The following P2RY12 variants were observed in gnomAD, a reference collection of about 807,000 sequenced individuals.
The protein encoded by P2RY12 is P2Y purinoceptor 12.
P2RY12 carries 3 observed loss-of-function variants against 4.5 expected under a neutral mutation model. That is an observed-to-expected ratio of 0.67 (90% CI 0.31 to 1.74). The LOEUF is 1.74. Among genes scored for constraint, P2RY12 ranks in the 40% most tolerant of loss-of-function variants. The pLI is 0.09. For synonymous variants in P2RY12, 148 were observed against 154.1 expected, an observed-to-expected ratio of 0.96 and a Z score of 0.29; for missense variants, 356 against 407.8, an observed-to-expected ratio of 0.87 and a Z score of 1.09.
intron 1 of P2RY12, chr3:151,368,011 A>G: frequency 1.2e-6 from 1 of 831,654 alleles, no homozygotes; most frequent in Non-Finnish European, 1.9e-6. Flanking sequence ...TTCTCAGAAA[A>G]ATAGCCAGGG....
intron 1 of P2RY12, chr3:151,377,964 C>G: frequency 1.3e-6 from 2 of 1,506,120 alleles, no homozygotes; most frequent in South Asian, 1.3e-5. Context: ...ACTGTGAGAG[C>G]AGGGGAAAGG....
At chr3:151,345,517 C>CTT (rs201731496) in intron 1 of P2RY12, among the ~76,000 whole-genome samples, 107 of 131,636 alleles carry the variant, frequency 8.1e-4, no homozygotes, top group Non-Finnish European at 1.0e-3. Flanking sequence ...TTTTCTTTTT[C>CTT]TTTTTTTTTT....
chr3:151,350,239 G>A (rs751884178), intron 1 of P2RY12: 40 of 1,604,102 alleles, frequency 2.5e-5, no homozygotes, highest in Middle Eastern at 1.7e-4. Context: ...CTCCCATTGT[G>A]TTGCCTTTTG....
At chr3:151,380,280 A>G in intron 1 of P2RY12, 2 of 1,215,592 alleles carry the variant, frequency 1.6e-6, no homozygotes, top group South Asian at 2.7e-5. Context: ...GCATTCATTT[A>G]TTTGCCTTTC....
chr3:151,357,559 CTAA>C (rs1466659692), intron 1 of P2RY12, among the ~76,000 whole-genome samples: 2 of 152,182 alleles, frequency 1.3e-5, no homozygotes, highest in African/African-American at 4.8e-5. Context: ...TATGTTCTTT[CTAA>C]TAATGTGTGA....
intron 1 of P2RY12, among the ~76,000 whole-genome samples, chr3:151,345,873 A>T (rs552904559): frequency 6.6e-6 from 1 of 152,258 alleles, no homozygotes; most frequent in African/African-American, 2.4e-5. Context: ...GCTCTTGAAA[A>T]ATAGTAGCTT....
chr3:151,359,890 T>A (rs1335940288), intron 1 of P2RY12, among the ~76,000 whole-genome samples: 1 of 151,872 alleles, frequency 6.6e-6, no homozygotes, highest in East Asian at 1.9e-4. Flanking sequence ...ACTACAGGAG[T>A]TATACAGAAT....
intron 1 of P2RY12, among the ~76,000 whole-genome samples, chr3:151,356,474 T>A (rs901053615): frequency 2.0e-5 from 3 of 152,202 alleles, no homozygotes; most frequent in Admixed American, 2.0e-4. Context: ...AGGGACATAG[T>A]ACAATTTTGA....
rs1295483765 is a variant in P2RY12 at position 151,337,855 on chromosome 3, G to C, written c.991C>G (p.Gln331Glu). ...TCTTCATTTGGGTCACCACCATCCT[G>C]TTCTTTTTTCCTATTGTCCTGGGAC... ...SLSQDNRKKEQDGGDPNEETP... is the reference protein window; with the variant it reads ...SLSQDNRKKEEDGGDPNEETP... Residue 331 changes from glutamine (Q) to glutamate (E), a missense_variant, in exon 3 of 3, where the codon CAG (glutamine) becomes GAG (glutamate). By Grantham distance (29) the Gln-to-Glu change is conservative. Transcript: ENST00000302632. 6.2e-7 allele frequency: 1 copy of C among 1,614,046 alleles called. No individual in the cohort carries two copies. The highest frequency in any genetic ancestry group is 8.5e-7 in the Non-Finnish European group (1 of 1,179,968).
At position 151,338,139 on chromosome 3, in the gene P2RY12, A is replaced by G. The variant is rs763135685; in HGVS notation, c.707T>C (p.Val236Ala). Residue 236 changes from valine (V) to alanine (A), a missense_variant, in exon 3 of 3, where the codon GTC (valine) becomes GCC (alanine). By Grantham distance (64) the Val-to-Ala change is moderately conservative (BLOSUM62 0). Transcript: ENST00000302632. ...VGKVPRKKVN[V>A]KVFIIIAVFF... ...TACAGCAATGATAATGAAAACTTTG[A>G]CGTTCACCTTTTTCCTGGGGACTTT... 4 of 1,614,080 alleles carry G rather than the reference A, an allele frequency of 2.5e-6. No individual in the cohort carries two copies. The South Asian group carries it at 4.4e-5, about 18-fold the overall frequency.
At chr3:151,362,625 A>G (rs1421004254) in intron 1 of P2RY12, among the ~76,000 whole-genome samples, 5 of 152,048 alleles carry the variant, frequency 3.3e-5, no homozygotes, top group African/African-American at 1.2e-4. Context: ...CCTCCTTAGA[A>G]TGTATGCTTC....
chr3:151,358,839 C>T (rs754308459), intron 1 of P2RY12, among the ~76,000 whole-genome samples: 1 of 152,160 alleles, frequency 6.6e-6, no homozygotes, highest in South Asian at 2.1e-4. Context: ...ACACTGACTA[C>T]TATACGATGG....
In P2RY12 at chr3:151,338,292, A is replaced by G; in HGVS notation, c.554T>C (p.Val185Ala). Residue 185 changes from valine (V) to alanine (A), a missense_variant, in exon 3 of 3, where the codon GTC becomes GCC. Physicochemically the swap from Val to Ala is moderately conservative, Grantham distance 64. Coordinates refer to ENST00000302632, the MANE Select transcript of P2RY12 (RefSeq NM_022788.5). ...GATGTAATTTACTATTTCATGCCAGACTAGACCGAACTCTGATTTAAGGAA... is the reference window on the plus strand; with the variant it reads ...GATGTAATTTACTATTTCATGCCAGGCTAGACCGAACTCTGATTTAAGGAA... ...CSFLKSEFGLVWHEIVNYICQ... is the reference protein window; with the variant it reads ...CSFLKSEFGLAWHEIVNYICQ... 3 of 1,614,136 alleles carry G rather than the reference A, an allele frequency of 1.9e-6. No homozygotes were observed. Among genetic ancestry groups the G allele is most frequent in the Non-Finnish European group, 2.5e-6 (3 of 1,180,008 alleles).
chr3:151,369,816 G>A (rs1421438783), intron 1 of P2RY12, among the ~76,000 whole-genome samples: 2 of 152,080 alleles, frequency 1.3e-5, no homozygotes, highest in Middle Eastern at 3.2e-3. Flanking sequence ...ATGTAAAATA[G>A]GTCCTCAGAC....
At chr3:151,348,340 C>CAAAAAAAA (rs11382065) in intron 1 of P2RY12, among the ~76,000 whole-genome samples, 42 of 87,784 alleles carry the variant, frequency 4.8e-4, no homozygotes, top group African/African-American at 1.5e-3. Context: ...ACCACCAGAC[C>CAAAAAAAA]AAAAAAAAAA....
intron 1 of P2RY12, among the ~76,000 whole-genome samples, chr3:151,351,556 T>G (rs1192148516): frequency 2.6e-5 from 4 of 152,182 alleles, no homozygotes; most frequent in African/African-American, 9.7e-5. Context: ...TATCTGTTGT[T>G]TTGGTGTTTT....
chr3:151,357,551 T>C (rs534367397), intron 1 of P2RY12, among the ~76,000 whole-genome samples: 2 of 152,322 alleles, frequency 1.3e-5, no homozygotes, highest in Admixed American at 1.3e-4. Context: ...ATGTAAAGTA[T>C]GTTCTTTCTA....
intron 1 of P2RY12, chr3:151,368,054 AAAT>A (rs3841945): frequency 0.23 from 237,613 of 1,028,732 alleles, 28,583 homozygotes; most frequent in Middle Eastern, 0.33. Context: ...AAATTTATTT[AAAT>A]AATTATTCCA....
At chr3:151,347,389 T>A (rs1752668007) in intron 1 of P2RY12, among the ~76,000 whole-genome samples, 1 of 152,002 alleles carries the variant, frequency 6.6e-6, no homozygotes, top group Non-Finnish European at 1.5e-5. Context: ...AGACATGGAG[T>A]CTTCCACAAA....
Sources: allele counts gnomAD v4.1 joint callset (sites outside exome capture counted in the v4.1 genomes callset), GRCh38; gene constraint gnomAD v4.1.1; transcripts MANE v1.5; gene names NCBI Gene and HGNC (gene_info 2026-07-23, HGNC 2026-07-21).